The following CAMK4 variants were observed in gnomAD, a reference collection of about 807,000 sequenced individuals.
CAMK4 encodes calcium/calmodulin-dependent protein kinase type IV.
CAMK4 carries 22 observed loss-of-function variants against 44.9 expected under a neutral mutation model. The observed-to-expected ratio is 0.49, with a 90% CI of 0.35 to 0.70. The LOEUF (loss-of-function observed/expected upper bound fraction) is 0.70. Ranked by LOEUF, CAMK4 falls within the 30% of genes least tolerant of loss-of-function variation. The pLI is 0.01. For missense variants in CAMK4, 498 were observed against 586.8 expected, an observed-to-expected ratio of 0.85 and a Z score of 1.56; for synonymous variants, 218 against 215.4, an observed-to-expected ratio of 1.01 and a Z score of -0.11.
intron 1 of CAMK4, among the ~76,000 whole-genome samples, chr5:111,283,897 C>G (rs1014362746): frequency 6.6e-6 from 1 of 152,120 alleles, no homozygotes; most frequent in Non-Finnish European, 1.5e-5. Flanking sequence ...TCCTCATGAG[C>G]ATTTAGGTTG....
intron 5 of CAMK4, among the ~76,000 whole-genome samples, chr5:111,436,405 C>G (rs1753648674): frequency 6.6e-6 from 1 of 152,176 alleles, no homozygotes; most frequent in Non-Finnish European, 1.5e-5. Flanking sequence ...ACTACTCTAA[C>G]CTGACACCCC....
chr5:111,343,521 A>G (rs1749729451), intron 1 of CAMK4, among the ~76,000 whole-genome samples: 1 of 151,794 alleles, frequency 6.6e-6, no homozygotes, highest in African/African-American at 2.4e-5. Context: ...CATCTGCTTC[A>G]CAGATTACCA....
chr5:111,375,246 A>G (rs1751171272), intron 3 of CAMK4, among the ~76,000 whole-genome samples: 1 of 152,190 alleles, frequency 6.6e-6, no homozygotes, highest in Non-Finnish European at 1.5e-5. Flanking sequence ...TTAATTTTCC[A>G]TTACTGAAAA....
At chr5:111,398,452 T>G (rs142922571) in intron 5 of CAMK4, among the ~76,000 whole-genome samples, 1 of 152,340 alleles carries the variant, frequency 6.6e-6, no homozygotes, top group Non-Finnish European at 1.5e-5. Context: ...TTCTACTATC[T>G]GTTCTGGTGG....
Position 111,485,983 on chromosome 5 carries a change from A to G in CAMK4, c.*1517A>G, listed in dbSNP as rs969882548. 6.6e-5 allele frequency: 10 copies of G among 152,230 alleles called. No individual in the cohort carries two copies. Among genetic ancestry groups the G allele is most frequent in the African/African-American group, 2.4e-4 (10 of 41,474 alleles). The allele number at this position is 152,230 out of a possible 1,614,324, so 9.4% of individuals were successfully genotyped here. On this transcript the variant is annotated 3_prime_UTR_variant, in exon 11 of 11. Coordinates refer to ENST00000282356, the MANE Select transcript of CAMK4 (RefSeq NM_001744.6). ...TTCATTTTAAAAAATAATTATTTTC[A>G]GAGACCAAATAAAGACAATAAAAAT...
chr5:111,444,411 A>G (rs1753956315), intron 5 of CAMK4, among the ~76,000 whole-genome samples: 1 of 152,126 alleles, frequency 6.6e-6, no homozygotes, highest in Non-Finnish European at 1.5e-5. Context: ...CACTGTCACA[A>G]CCCTCACACT....
chr5:111,412,372 A>G (rs916002015), intron 5 of CAMK4, among the ~76,000 whole-genome samples: 1 of 152,236 alleles, frequency 6.6e-6, no homozygotes, highest in African/African-American at 2.4e-5. Flanking sequence ...CATTTTAGTC[A>G]AAACTGAGTA....
chr5:111,311,688 C>T (rs540946521), intron 1 of CAMK4, among the ~76,000 whole-genome samples: 1 of 152,150 alleles, frequency 6.6e-6, no homozygotes, highest in Non-Finnish European at 1.5e-5. Context: ...GCAAAGCCTT[C>T]ATAAATTTCT....
chr5:111,337,353 T>TA (rs1749449580), intron 1 of CAMK4, among the ~76,000 whole-genome samples: 1 of 151,240 alleles, frequency 6.6e-6, no homozygotes, highest in African/African-American at 2.4e-5. Context: ...GTTTTGATCT[T>TA]ACTTGAGTAA....
At chr5:111,348,328 T>C (rs1749951132) in intron 2 of CAMK4, among the ~76,000 whole-genome samples, 1 of 151,974 alleles carries the variant, frequency 6.6e-6, no homozygotes, top group South Asian at 2.1e-4. Context: ...GGAATACAGG[T>C]TAAAGCACCA....
chr5:111,485,467 T>C lies in CAMK4; in HGVS notation c.*1001T>C, dbSNP rs1254513055. The C allele has an allele frequency of 6.6e-6, 1 of 152,202 alleles. No individual in the cohort carries two copies. Among genetic ancestry groups the C allele is most frequent in the Non-Finnish European group, 1.5e-5 (1 of 68,002 alleles). 9.4% of individuals were successfully genotyped at this position (152,202 alleles called of 1,614,324 possible). ...TTCATAGAGTAGGAATAATATTCCATTTTAAGATTATTCATTATTGACTTT... is the reference window on the plus strand; with the variant it reads ...TTCATAGAGTAGGAATAATATTCCACTTTAAGATTATTCATTATTGACTTT... On this transcript the variant is annotated 3_prime_UTR_variant, in exon 11 of 11. Coordinates refer to ENST00000282356, the MANE Select transcript of CAMK4 (RefSeq NM_001744.6).
rs532668134 is a variant in CAMK4, at chr5:111,361,291, A to C, written c.241-13559A>C. ...CTTTGTAACTAATAGAAAATCACTT[A>C]GTTTTAAGGATCAAGGAAAAGATCA... On this transcript the variant is annotated intron_variant, in intron 2 of 10. Transcript: ENST00000282356. Among the ~76,000 whole-genome samples the C allele has an allele frequency of 3.9e-4, 59 of 152,178 alleles. 1 individual carries two copies. The highest frequency in any genetic ancestry group is 1.3e-3 in the African/African-American group (54 of 41,566).
intron 1 of CAMK4, among the ~76,000 whole-genome samples, chr5:111,309,183 T>G (rs1465820330): frequency 1.3e-5 from 2 of 152,192 alleles, no homozygotes; most frequent in Admixed American, 1.3e-4. Context: ...TAACAATTGT[T>G]GTGCTTTGCA....
At chr5:111,417,441 C>T (rs991910665) in intron 5 of CAMK4, among the ~76,000 whole-genome samples, 92 of 151,996 alleles carry the variant, frequency 6.1e-4, no homozygotes, top group African/African-American at 2.1e-3. Context: ...GTCTCAAACT[C>T]CTGACCTCAA....
chr5:111,246,657 C>A (rs1749254913), intron 1 of CAMK4, among the ~76,000 whole-genome samples: 1 of 152,146 alleles, frequency 6.6e-6, no homozygotes, highest in Non-Finnish European at 1.5e-5. Flanking sequence ...CAGTAAGGAT[C>A]TTTACATCCT....
At chr5:111,269,994 C>G (rs1750435568) in intron 1 of CAMK4, 2 of 152,346 alleles carry the variant, frequency 1.3e-5, no homozygotes. Flanking sequence ...TTGCCTGTGT[C>G]TCTCCTCTAC....
Position 111,375,466 on chromosome 5 carries a change from A to G in CAMK4, c.303+554A>G, listed in dbSNP as rs369340461. Among the ~76,000 whole-genome samples the G allele has an allele frequency of 3.9e-5, 6 of 152,290 alleles. No homozygotes were observed. In the East Asian group the frequency reaches 5.8e-4, roughly 15 times the overall value. On this transcript the variant is annotated intron_variant, in intron 3 of 10. Transcript: ENST00000282356. ...CGTTCTTGAACTGATGAAGTGAAAA[A>G]GAATAAAATTATTTTCCAGGTTGCA...
At chr5:111,453,303 G>A (rs1400590284) in intron 7 of CAMK4, among the ~76,000 whole-genome samples, 4 of 152,142 alleles carry the variant, frequency 2.6e-5, no homozygotes, top group Admixed American at 6.5e-5. Flanking sequence ...GCAATATCTA[G>A]GGTTTTGAAT....
chr5:111,225,966 T>A (rs1748169665), intron 1 of CAMK4, among the ~76,000 whole-genome samples: 1 of 152,248 alleles, frequency 6.6e-6, no homozygotes, highest in South Asian at 2.1e-4. Context: ...AGGACAATGA[T>A]GTCGATTTTT....
Sources: allele counts gnomAD v4.1 joint callset (sites outside exome capture counted in the v4.1 genomes callset), GRCh38; gene constraint gnomAD v4.1.1; transcripts MANE v1.5; gene names NCBI Gene and HGNC (gene_info 2026-07-23, HGNC 2026-07-21).